ARHGAP42: variants seen among roughly 807,000 people sequenced by gnomAD.
ARHGAP42 encodes rho GTPase-activating protein 42.
Under a neutral mutation model 125.0 loss-of-function variants are expected in ARHGAP42, and 63 were observed. The ratio of observed to expected loss-of-function variants is 0.50; its 90% CI spans 0.41 to 0.62. ARHGAP42 has a LOEUF of 0.62. Among genes scored for constraint, ARHGAP42 ranks in the 20% least tolerant of loss-of-function variants. The pLI, the probability that ARHGAP42 is intolerant of heterozygous loss-of-function variation, is 0.00. For missense variants in ARHGAP42, 766 were observed against 1,024.2 expected (o/e 0.75, Z 3.44); for synonymous variants, 339 against 351.0 (o/e 0.97, Z 0.38).
At chr11:100,910,135 T>C (rs190926765) in intron 4 of ARHGAP42, among the ~76,000 whole-genome samples, 5 of 152,284 alleles carry the variant, frequency 3.3e-5, no homozygotes, top group African/African-American at 1.2e-4. Context: ...CCAGCTAGAA[T>C]TGGGTCTGAG....
intron 1 of ARHGAP42, among the ~76,000 whole-genome samples, chr11:100,764,297 T>A (rs1862780951): frequency 6.6e-6 from 1 of 152,194 alleles, no homozygotes; most frequent in Non-Finnish European, 1.5e-5. Context: ...GCGTTGAGAT[T>A]ACAGGCATGA....
intron 10 of ARHGAP42, 56 bp downstream of exon 10, chr11:100,943,924 T>C (rs1474119162): frequency 8.8e-7 from 1 of 1,140,064 alleles, no homozygotes; most frequent in South Asian, 1.6e-5. Context: ...TGTCTCTTTC[T>C]GTATTTAAAT....
chr11:100,706,133 C>T (rs1565535520), intron 1 of ARHGAP42, among the ~76,000 whole-genome samples: 1 of 152,108 alleles, frequency 6.6e-6, no homozygotes, highest in Non-Finnish European at 1.5e-5. Context: ...GCGCGTGCCA[C>T]CACGCCCAGA....
rs551435042 is a variant in ARHGAP42, at chr11:100,728,956, A to T, written c.154+41124A>T. On this transcript the variant is annotated intron_variant, in intron 1 of 23. Transcript: ENST00000298815. Reference sequence around the variant, plus strand: ...GCTCACTTTTGTATTTTCAGTAGAGATGGGGTTTTGCCATGTTGGCCAGGC... The same window carrying T: ...GCTCACTTTTGTATTTTCAGTAGAGTTGGGGTTTTGCCATGTTGGCCAGGC... Among the ~76,000 whole-genome samples, 12 of 151,620 alleles carry T rather than the reference A, an allele frequency of 7.9e-5. No individual in the cohort carries two copies. The South Asian group carries it at 1.9e-3, about 24-fold the overall frequency.
intron 6 of ARHGAP42, among the ~76,000 whole-genome samples, chr11:100,930,220 A>T (rs1481626941): frequency 6.6e-6 from 1 of 152,232 alleles, no homozygotes; most frequent in African/African-American, 2.4e-5. Flanking sequence ...ATTCAGGCAG[A>T]TTCACCAAAG....
At chr11:100,785,636 A>G (rs1425660841) in intron 2 of ARHGAP42, among the ~76,000 whole-genome samples, 1 of 152,078 alleles carries the variant, frequency 6.6e-6, no homozygotes, top group Non-Finnish European at 1.5e-5. Context: ...CAGCCTGTGG[A>G]ATGTGAAGGA....
chr11:100,882,845 T>C (rs1865994204), intron 4 of ARHGAP42, among the ~76,000 whole-genome samples: 1 of 152,190 alleles, frequency 6.6e-6, no homozygotes, highest in Non-Finnish European at 1.5e-5. Flanking sequence ...GTTGTATCTT[T>C]CCAGGAATTT....
intron 2 of ARHGAP42, among the ~76,000 whole-genome samples, chr11:100,787,217 G>A (rs918996025): frequency 2.6e-5 from 4 of 151,880 alleles, no homozygotes; most frequent in Non-Finnish European, 5.9e-5. Context: ...GGCAGAGCTT[G>A]CAGTGAGCCG....
intron 3 of ARHGAP42, among the ~76,000 whole-genome samples, chr11:100,837,266 G>A (rs535547501): frequency 6.6e-6 from 1 of 151,716 alleles, no homozygotes; most frequent in Non-Finnish European, 1.5e-5. Flanking sequence ...ATCCAAATTA[G>A]GAAGTTTAAC....
intron 4 of ARHGAP42, among the ~76,000 whole-genome samples, chr11:100,880,231 T>C (rs1294359221): frequency 6.6e-6 from 1 of 152,206 alleles, no homozygotes; most frequent in Non-Finnish European, 1.5e-5. Context: ...ATCCAATTTG[T>C]AGTCTTTTAT....
In ARHGAP42 at chr11:100,992,314, C is replaced by A; in HGVS notation, c.*3513C>A. 1.3e-6 allele frequency: 2 copies of A among 1,597,490 alleles called. No individual in the cohort carries two copies. Among genetic ancestry groups the A allele is most frequent in the Non-Finnish European group, 1.7e-6 (2 of 1,173,342 alleles). On this transcript the variant is annotated 3_prime_UTR_variant, in exon 24 of 24. Coordinates refer to ENST00000298815, the MANE Select transcript of ARHGAP42 (RefSeq NM_152432.4). ...TGTAACTCACAGCTGTTAGCATGACCTCACATCACTGCGTAGGACCCGGAA... is the reference window on the plus strand; with the variant it reads ...TGTAACTCACAGCTGTTAGCATGACATCACATCACTGCGTAGGACCCGGAA...
chr11:100,702,580 AC>A (rs1163495965), intron 1 of ARHGAP42, among the ~76,000 whole-genome samples: 6 of 151,244 alleles, frequency 4.0e-5, no homozygotes, highest in African/African-American at 1.5e-4. Context: ...AAAAAAAAAA[AC>A]TGCAAAGTAC....
intron 3 of ARHGAP42, among the ~76,000 whole-genome samples, chr11:100,811,298 A>G (rs151246127): frequency 0.013 from 1,936 of 152,278 alleles, 40 homozygotes; most frequent in African/African-American, 0.045. Flanking sequence ...ATTTATTTCA[A>G]TGTGTATTGG....
At chr11:100,839,245 T>G (rs1247281010) in intron 3 of ARHGAP42, among the ~76,000 whole-genome samples, 1 of 152,228 alleles carries the variant, frequency 6.6e-6, no homozygotes, top group Non-Finnish European at 1.5e-5. Context: ...ATCCTAAATC[T>G]GTCTCATGAA....
intron 3 of ARHGAP42, among the ~76,000 whole-genome samples, chr11:100,832,043 GCACGTGT>G (rs777527308): frequency 5.3e-5 from 8 of 152,222 alleles, no homozygotes; most frequent in Non-Finnish European, 1.0e-4. Context: ...CCCTTGTGCA[GCACGTGT>G]GTGCTGGATG....
chr11:100,718,692 A>T (rs887485481), intron 1 of ARHGAP42, among the ~76,000 whole-genome samples: 12 of 152,178 alleles, frequency 7.9e-5, no homozygotes, highest in African/African-American at 2.9e-4. Context: ...GTGCATAGTA[A>T]TTTTTTACTA....
At chr11:100,894,394 A>G (rs563994869) in intron 4 of ARHGAP42, among the ~76,000 whole-genome samples, 6 of 152,340 alleles carry the variant, frequency 3.9e-5, no homozygotes, top group Admixed American at 3.9e-4. Flanking sequence ...GTGATGTGAC[A>G]GAGGGACTTC....
intron 1 of ARHGAP42, among the ~76,000 whole-genome samples, chr11:100,693,563 G>A (rs898549161): frequency 5.3e-5 from 8 of 152,016 alleles, no homozygotes; most frequent in Non-Finnish European, 1.0e-4. Flanking sequence ...AGCTTAATAG[G>A]TGCCCTTTAA....
intron 4 of ARHGAP42, among the ~76,000 whole-genome samples, chr11:100,901,299 C>T (rs1866539635): frequency 1.3e-5 from 2 of 152,254 alleles, no homozygotes; most frequent in South Asian, 4.1e-4. Context: ...TCCAGAGGGG[C>T]ACATGCCTAT....
Sources: gnomAD v4.1 joint callset for allele counts (sites outside exome capture counted in the v4.1 genomes callset) on GRCh38, gnomAD v4.1.1 for gene constraint, MANE v1.5 for transcripts, NCBI Gene and HGNC (gene_info 2026-07-23, HGNC 2026-07-21) for gene names.